CUL4A: variants seen among roughly 807,000 people sequenced by gnomAD.
CUL4A encodes cullin-4A.
CUL4A carries 16 observed loss-of-function variants against 95.5 expected under a neutral mutation model. That is an observed-to-expected ratio of 0.17 (90% CI 0.11 to 0.25). CUL4A has a LOEUF of 0.25. CUL4A is among the 10% of genes least tolerant of loss of function. CUL4A has a pLI of 1.00. For missense variants in CUL4A, 610 were observed against 937.0 expected (o/e 0.65, Z 4.56); for synonymous variants, 380 against 353.1 (o/e 1.08, Z -0.85).
Position 113,210,030 on chromosome 13 carries a change from C to T in CUL4A, c.206C>T (p.Ala69Val), listed in dbSNP as rs1397226926. The change falls in exon 2 of 20, where the codon GCG (alanine) becomes GTG (valine). Residue 69 changes from alanine to valine, a missense_variant. Physicochemically the swap from Ala to Val is moderately conservative, Grantham distance 64. Transcript: ENST00000375440. ...TQDTWRKLHE[A>V]VRAVQSSTSI... ...GACACGTGGCGGAAGCTGCACGAGG[C>T]GGTGCGGGCCGTGCAGAGCAGCACC... 12 of 1,526,382 alleles carry T rather than the reference C, an allele frequency of 7.9e-6. No homozygotes were observed. The highest frequency in any genetic ancestry group is 2.7e-5 in the East Asian group (1 of 37,150). 94.6% of individuals were successfully genotyped at this position (1,526,382 alleles called of 1,614,324 possible). A position where few individuals can be genotyped will look rare whatever the true frequency, so the allele number is the denominator to read the frequency against.
intron 5 of CUL4A, among the ~76,000 whole-genome samples, chr13:113,231,240 A>G (rs2041298886): frequency 6.6e-6 from 1 of 152,202 alleles, no homozygotes; most frequent in Non-Finnish European, 1.5e-5. Flanking sequence ...GTGTGTGGGC[A>G]ATGCATGGTG....
At chr13:113,239,394 C>T in intron 9 of CUL4A, 39 bp from the exon 10 acceptor site, 1 of 1,518,968 alleles carries the variant, frequency 6.6e-7, no homozygotes, top group Non-Finnish European at 9.1e-7. Context: ...GTTAATGCTG[C>T]CCATGCTGTA....
intron 5 of CUL4A, 82 bp from the exon 6 acceptor site, chr13:113,233,095 T>C (rs1211938197): frequency 9.9e-6 from 14 of 1,417,224 alleles, no homozygotes; most frequent in East Asian, 2.3e-5. Flanking sequence ...TGGGATGATA[T>C]TGAATAGCAT....
chr13:113,209,509 G>GCGGGGCGGGGCGGGGCGCGCGAGGAGGA (rs1168768414), upstream of CUL4A: 12 of 533,568 alleles, frequency 2.2e-5, no homozygotes, highest in Non-Finnish European at 2.9e-5. Flanking sequence ...GGGCACGCGG[G>GCGGGGCGGGGCGGGGCGCGCGAGGAGGA]CGGGGCGGGG....
intron 2 of CUL4A, 118 bp downstream of exon 2, chr13:113,210,206 T>G (rs927725841): frequency 1.7e-6 from 1 of 602,690 alleles, no homozygotes; most frequent in African/African-American, 2.0e-5. Flanking sequence ...GCAGGGCGTT[T>G]GCCTCCACTG....
chr13:113,261,205 C>T (rs914204789), intron 19 of CUL4A, among the ~76,000 whole-genome samples: 17 of 152,148 alleles, frequency 1.1e-4, no homozygotes, highest in Non-Finnish European at 2.5e-4. Context: ...CCTGTCAACC[C>T]GCGTTGTTTT....
intron 3 of CUL4A, among the ~76,000 whole-genome samples, chr13:113,223,560 G>A (rs1354516227): frequency 6.6e-6 from 1 of 152,134 alleles, no homozygotes; most frequent in Non-Finnish European, 1.5e-5. Context: ...ACCACGCCTG[G>A]CTAATTTTGT....
intron 10 of CUL4A, among the ~76,000 whole-genome samples, chr13:113,240,599 G>A (rs914095958): frequency 1.3e-5 from 2 of 152,028 alleles, no homozygotes; most frequent in African/African-American, 4.8e-5. Flanking sequence ...ATTACACTAA[G>A]AGGAAAAAAA....
At chr13:113,232,431 C>T (rs2041387911) in intron 5 of CUL4A, among the ~76,000 whole-genome samples, 2 of 151,532 alleles carry the variant, frequency 1.3e-5, no homozygotes, top group Non-Finnish European at 1.5e-5. Context: ...TTACTGCCAC[C>T]ACCAGCACCA....
intron 4 of CUL4A, 25 bp from the exon 5 acceptor site, chr13:113,229,421 A>G: frequency 6.2e-7 from 1 of 1,607,236 alleles, no homozygotes; most frequent in East Asian, 2.2e-5. Context: ...TTCATAAGTA[A>G]ATGGTTCTCC....
chr13:113,240,119 G>A, intron 10 of CUL4A, among the ~76,000 whole-genome samples: 1 of 152,230 alleles, frequency 6.6e-6, no homozygotes, highest in East Asian at 1.9e-4. Context: ...TCCTGTGCAG[G>A]AGAACGGCCC....
chr13:113,222,112 G>T (rs2040920860), intron 3 of CUL4A, among the ~76,000 whole-genome samples: 1 of 152,246 alleles, frequency 6.6e-6, no homozygotes, highest in Non-Finnish European at 1.5e-5. Flanking sequence ...ATGCTGCTGG[G>T]TGTGGGAGAG....
intron 9 of CUL4A, among the ~76,000 whole-genome samples, chr13:113,238,510 C>CA (rs2041615680): frequency 6.6e-6 from 1 of 151,396 alleles, no homozygotes; most frequent in Admixed American, 6.6e-5. Flanking sequence ...CTTTGTTAAG[C>CA]AAAATTATTT....
chr13:113,256,913 C>CTTTTTTTTTTCTT (rs1566372467), intron 18 of CUL4A, among the ~76,000 whole-genome samples: 15 of 77,884 alleles, frequency 1.9e-4, no homozygotes, highest in South Asian at 8.0e-4. Context: ...TGCTTTGTCC[C>CTTTTTTTTTTCTT]TTTTTTTTTT....
intron 2 of CUL4A, among the ~76,000 whole-genome samples, chr13:113,215,900 T>C (rs1052198311): frequency 7.2e-6 from 1 of 139,850 alleles, no homozygotes; most frequent in Non-Finnish European, 1.5e-5. Context: ...TGTGTGACTA[T>C]GGAGGTCTCG....
intron 3 of CUL4A, among the ~76,000 whole-genome samples, chr13:113,227,401 T>C (rs2041144375): frequency 6.6e-6 from 1 of 152,196 alleles, no homozygotes; most frequent in African/African-American, 2.4e-5. Flanking sequence ...CTGGGGTCTC[T>C]TTTGTAACCC....
chr13:113,232,078 C>CTG (rs1566343039), intron 5 of CUL4A, among the ~76,000 whole-genome samples: 32 of 138,674 alleles, frequency 2.3e-4, no homozygotes, highest in East Asian at 1.2e-3. Context: ...TCACCACTAC[C>CTG]CGCCCACCAC....
In CUL4A at chr13:113,253,182, C is replaced by G. The variant is rs765132181; in HGVS notation, c.1739C>G (p.Ala580Gly). ...ACTTTGGGACATGCTGTTTTAAAAG[C>G]GGAGTTTAAAGAAGTAAGTTGTCTG... Reference protein sequence around the residue: ...QTTLGHAVLKAEFKEGKKEFQ... With the variant: ...QTTLGHAVLKGEFKEGKKEFQ... The change falls in exon 16 of 20, where the codon GCG becomes GGG. Residue 580 changes from alanine (A) to glycine (G), a missense_variant. Around this residue, in one of 10 missense-constraint regions of CUL4A, gnomAD observed 72 missense variants for 93.2 expected, o/e 0.77. Coordinates refer to ENST00000375440, the MANE Select transcript of CUL4A (RefSeq NM_001008895.4). 4 of 1,573,902 alleles carry G rather than the reference C, an allele frequency of 2.5e-6. No individual in the cohort carries two copies. Among genetic ancestry groups the G allele is most frequent in the East Asian group, 2.3e-5 (1 of 43,830 alleles).
At chr13:113,209,391 A>T (rs1374672639), upstream of CUL4A, among the ~76,000 whole-genome samples, 1 of 144,836 alleles carries the variant, frequency 6.9e-6, no homozygotes, top group African/African-American at 2.6e-5. Flanking sequence ...CCCTCGAGCC[A>T]GGAGGGGGTG....
Sources: gnomAD v4.1 joint callset for allele counts (sites outside exome capture counted in the v4.1 genomes callset) on GRCh38, gnomAD v4.1.1 for gene constraint, gnomAD v4.1.1 regional missense constraint, MANE v1.5 for transcripts, NCBI Gene and HGNC (gene_info 2026-07-23, HGNC 2026-07-21) for gene names.